CINP: variants seen among roughly 807,000 people sequenced by gnomAD.
The protein encoded by CINP is cyclin dependent kinase 2 interacting protein.
In CINP, 11 loss-of-function variants were observed where a neutral mutation model predicts 20.5. That is an observed-to-expected ratio of 0.54 (90% confidence interval 0.34 to 0.89). The LOEUF (loss-of-function observed/expected upper bound fraction) is 0.89. CINP is among the 40% of genes least tolerant of loss of function. The probability of loss-of-function intolerance (pLI) is 0.02; values close to 1 mark genes in which losing one functional copy is unlikely to be tolerated. For missense variants in CINP, 213 were observed against 251.0 expected (o/e 0.85, Z 1.02); for synonymous variants, 108 against 102.1 (o/e 1.06, Z -0.35).
chr14:102,359,156 G>A (rs141106651), intron 2 of CINP, among the ~76,000 whole-genome samples: 81 of 149,124 alleles, frequency 5.4e-4, no homozygotes, highest in African/African-American at 1.8e-3. Flanking sequence ...AGCTGAGATC[G>A]CGCCATCACA....
chr14:102,362,619 C>T (rs1481359449), intron 1 of CINP: 1 of 712,996 alleles, frequency 1.4e-6, no homozygotes, highest in Non-Finnish European at 2.6e-6. Flanking sequence ...TATATCGTCC[C>T]GTTCATCTGT....
intron 1 of CINP, among the ~76,000 whole-genome samples, chr14:102,361,049 T>C (rs1208366664): frequency 2.0e-5 from 3 of 152,118 alleles, no homozygotes; most frequent in African/African-American, 7.2e-5. Context: ...AATAAACAAA[T>C]GACCACGATC....
intron 2 of CINP, 50 bp from the exon 3 acceptor site, chr14:102,355,947 CTTA>C (rs749619911): frequency 7.6e-6 from 12 of 1,576,456 alleles, no homozygotes; most frequent in Non-Finnish European, 1.0e-5. Context: ...TTAAGCTTGC[CTTA>C]TTTCCTTATA....
At chr14:102,349,071 G>C (rs914940044) in intron 4 of CINP, among the ~76,000 whole-genome samples, 1 of 152,150 alleles carries the variant, frequency 6.6e-6, no homozygotes. Context: ...TAGCCATCGT[G>C]GCGAAAACCT....
At chr14:102,360,901 A>T (rs1887124922) in intron 1 of CINP, among the ~76,000 whole-genome samples, 1 of 152,186 alleles carries the variant, frequency 6.6e-6, no homozygotes, top group South Asian at 2.1e-4. Context: ...TATCATCTTG[A>T]TTTATCATTC....
intron 2 of CINP, among the ~76,000 whole-genome samples, chr14:102,356,963 T>C (rs1887010888): frequency 1.3e-5 from 2 of 152,298 alleles, no homozygotes; most frequent in African/African-American, 4.8e-5. Flanking sequence ...CCTCTAAGTG[T>C]ACAAGTGAAA....
chr14:102,362,605 T>C, intron 1 of CINP: 1 of 709,422 alleles, frequency 1.4e-6, no homozygotes, highest in Non-Finnish European at 2.6e-6. Flanking sequence ...GACACTCATT[T>C]GCGTATATCG....
chr14:102,349,971 C>T lies in CINP; in HGVS notation c.384G>A (p.Gly128=), dbSNP rs1886828562. The T allele has an allele frequency of 6.2e-7, 1 of 1,613,748 alleles. No homozygotes were observed. Among genetic ancestry groups the T allele is most frequent in the South Asian group, 1.1e-5 (1 of 91,010 alleles). ...GICELENYHY[G]EESKRPPLFH... ...ACAGAGGGGGTCGTTTACTCTCCTC[C>T]CCATAATGGTAGTTTTCTAGTTCAC... is the stretch of plus-strand genomic sequence containing the variant. The change falls in exon 4 of 5, where the codon GGG becomes GGA. Residue 128 remains glycine (G), a synonymous_variant. Coordinates refer to ENST00000216756, the MANE Select transcript of CINP (RefSeq NM_032630.3).
chr14:102,355,455 C>T (rs1321268548), intron 3 of CINP: 6 of 204,972 alleles, frequency 2.9e-5, no homozygotes, highest in East Asian at 1.2e-4. Context: ...GCGGAGTTTG[C>T]GGTGAGCCAA....
Position 102,351,999 on chromosome 14 carries a change from C to T in CINP, c.307-1951G>A, listed in dbSNP as rs993491035. Among the ~76,000 whole-genome samples the T allele has an allele frequency of 3.3e-5, 5 of 152,192 alleles. No homozygotes were observed. The highest frequency in any genetic ancestry group is 1.2e-4 in the African/African-American group (5 of 41,456). On this transcript the variant is annotated intron_variant, in intron 3 of 4. Transcript: ENST00000216756. The surrounding 1 kb of genome is among the most constrained non-coding windows in gnomAD (Gnocchi z 4.2). Reference sequence around the variant, plus strand: ...TCCCGGGTTCATGCCATTCTCCTGCCTCAGCCTCCCAAGTAGCTGGGACTA... The same window carrying T: ...TCCCGGGTTCATGCCATTCTCCTGCTTCAGCCTCCCAAGTAGCTGGGACTA...
At chr14:102,362,422 G>C (rs1454351982) in intron 1 of CINP, among the ~76,000 whole-genome samples, 2 of 152,146 alleles carry the variant, frequency 1.3e-5, no homozygotes, top group East Asian at 3.9e-4. Flanking sequence ...GCAGTACTCA[G>C]CAAACTGAGC....
chr14:102,348,782 T>G (rs757321788), intron 4 of CINP, 23 bp from the exon 5 acceptor site: 5 of 1,597,626 alleles, frequency 3.1e-6, no homozygotes, highest in Non-Finnish European at 3.4e-6. Context: ...TGAATCTCCC[T>G]TAATGGCAGT....
rs1886793414 is a variant in CINP at position 102,348,484 on chromosome 14, G to A, written c.*73C>T. On this transcript the variant is annotated 3_prime_UTR_variant, in exon 5 of 5. Transcript: ENST00000216756. ...TCCTGGGGTCTGATCCAGGCCTGCG[G>A]CACTGGGTCCTAGGCAGACTGTCTG... 2 of 1,381,212 alleles carry A rather than the reference G, an allele frequency of 1.4e-6. No homozygotes were observed. The highest frequency in any genetic ancestry group is 4.9e-5 in the East Asian group (2 of 40,548). The allele number at this position is 1,381,212 out of a possible 1,614,324, so 85.6% of individuals were successfully genotyped here. A position where few individuals can be genotyped will look rare whatever the true frequency, so the allele number is the denominator to read the frequency against.
At chr14:102,349,779 C>T (rs999480722) in intron 4 of CINP, 140 bp downstream of exon 4, 2 of 990,632 alleles carry the variant, frequency 2.0e-6, no homozygotes, top group Non-Finnish European at 3.1e-6. Context: ...GTTTAAGATG[C>T]CTCTGTCTCC....
intron 1 of CINP, among the ~76,000 whole-genome samples, chr14:102,360,366 C>T (rs1003036682): frequency 6.6e-6 from 1 of 152,070 alleles, no homozygotes; most frequent in Non-Finnish European, 1.5e-5. Flanking sequence ...AGAGCCAACT[C>T]AGGTTGTTTG....
At chr14:102,360,374 T>C (rs1440383798) in intron 1 of CINP, among the ~76,000 whole-genome samples, 1 of 151,918 alleles carries the variant, frequency 6.6e-6, no homozygotes, top group Non-Finnish European at 1.5e-5. Flanking sequence ...CTCAGGTTGT[T>C]TGTTCTCCCC....
intron 1 of CINP, chr14:102,362,570 T>A (rs529314544): frequency 1.4e-6 from 1 of 704,098 alleles, no homozygotes; most frequent in Non-Finnish European, 2.6e-6. Context: ...GTGACAATAA[T>A]TACAATTTGG....
intron 3 of CINP, among the ~76,000 whole-genome samples, chr14:102,350,798 C>G (rs7158537): frequency 0.094 from 13,558 of 143,804 alleles, 789 homozygotes; most frequent in African/African-American, 0.18. Flanking sequence ...CTGATGTTCT[C>G]TCTCTCTCTC....
At chr14:102,359,763 T>C (rs1355937385) in intron 1 of CINP, among the ~76,000 whole-genome samples, 176 bp from the exon 2 acceptor site, 1 of 152,210 alleles carries the variant, frequency 6.6e-6, no homozygotes, top group African/African-American at 2.4e-5. Flanking sequence ...AAGAAGACAA[T>C]ATAGAATATT....
Sources: allele counts gnomAD v4.1 joint callset (sites outside exome capture counted in the v4.1 genomes callset), GRCh38; gene constraint gnomAD v4.1.1; non-coding constraint Gnocchi (gnomAD v3.1); transcripts MANE v1.5; gene names NCBI Gene and HGNC (gene_info 2026-07-23, HGNC 2026-07-21).